DNAH14: variants seen among roughly 807,000 people sequenced by gnomAD.
The protein encoded by DNAH14 is dynein axonemal heavy chain 14, also known as axonemal beta dynein heavy chain 14.
Under a neutral mutation model 520.9 loss-of-function variants are expected in DNAH14, and 478 were observed. The observed-to-expected ratio is 0.92, with a 90% CI of 0.85 to 0.99. DNAH14 has a LOEUF of 0.99. Ranked by LOEUF, DNAH14 falls within the 50% of genes least tolerant of loss-of-function variation. The pLI is 0.00. For synonymous variants in DNAH14, 1,581 were observed against 1,757.2 expected (o/e 0.90, Z 2.51); for missense variants, 4,831 against 5,234.5 (o/e 0.92, Z 2.38).
chr1:224,963,359 A>C (rs2060961167), intron 4 of DNAH14, among the ~76,000 whole-genome samples: 1 of 152,076 alleles, frequency 6.6e-6, no homozygotes, highest in South Asian at 2.1e-4. Flanking sequence ...CCACATTTAT[A>C]AACATATTCT....
chr1:224,981,523 A>G (rs2062266846), intron 8 of DNAH14, among the ~76,000 whole-genome samples: 1 of 151,744 alleles, frequency 6.6e-6, no homozygotes. Flanking sequence ...GAAGGGTTGT[A>G]TTTTTCCAGG....
In DNAH14 at chr1:225,085,509, A is replaced by G. The variant is rs761134316; in HGVS notation, c.3328-35A>G. 8.5e-5 allele frequency: 128 copies of G among 1,500,848 alleles called. 1 individual carries two copies. In the African/African-American group the frequency reaches 1.2e-3, roughly 15 times the overall value. The allele number at this position is 1,500,848 out of a possible 1,614,324, so 93.0% of individuals were successfully genotyped here. A position where few individuals can be genotyped will look rare whatever the true frequency, so the allele number is the denominator to read the frequency against. The stretch of plus-strand genomic sequence containing the variant: ...TTGGACATATCAGGAATTATTTGCT[A>G]TACTGGATACTAAAGAATACTTTGT... On this transcript the variant is annotated intron_variant, in intron 20 of 85. Coordinates refer to ENST00000682510, the MANE Select transcript of DNAH14 (RefSeq NM_001367479.1).
At chr1:225,161,829 C>A (rs1040608059) in intron 35 of DNAH14, among the ~76,000 whole-genome samples, 1 of 152,114 alleles carries the variant, frequency 6.6e-6, no homozygotes, top group Non-Finnish European at 1.5e-5. Context: ...CTATTCAAAT[C>A]TTTTGTCCAC....
chr1:225,395,263 T>C (rs2095990681), intron 84 of DNAH14, among the ~76,000 whole-genome samples: 1 of 152,206 alleles, frequency 6.6e-6, no homozygotes, highest in South Asian at 2.1e-4. Flanking sequence ...TAATATTTTA[T>C]TCAAGATTTT....
chr1:225,110,135 T>C, intron 23 of DNAH14, among the ~76,000 whole-genome samples: 1 of 152,178 alleles, frequency 6.6e-6, no homozygotes, highest in South Asian at 2.1e-4. Flanking sequence ...GATATGGGCC[T>C]GTAGTTTTCT....
At chr1:225,174,207 C>CT (rs1449290573) in intron 36 of DNAH14, among the ~76,000 whole-genome samples, 1 of 152,022 alleles carries the variant, frequency 6.6e-6, no homozygotes, top group Non-Finnish European at 1.5e-5. Flanking sequence ...CACATGTATA[C>CT]TTTTTTAACT....
At chr1:225,047,441 T>C (rs1350479908) in intron 15 of DNAH14, among the ~76,000 whole-genome samples, 4 of 152,168 alleles carry the variant, frequency 2.6e-5, no homozygotes, top group South Asian at 2.1e-4. Context: ...TATGTTTCAA[T>C]ATATAATCCT....
At chr1:224,933,977 G>A (rs1052115069) in intron 1 of DNAH14, among the ~76,000 whole-genome samples, 5 of 151,916 alleles carry the variant, frequency 3.3e-5, no homozygotes, top group Non-Finnish European at 5.9e-5. Context: ...ATACACACAC[G>A]CAGACTCAAA....
At chr1:225,327,848 G>A (rs1025338529) in intron 64 of DNAH14, among the ~76,000 whole-genome samples, 1 of 151,896 alleles carries the variant, frequency 6.6e-6, no homozygotes, top group Admixed American at 6.6e-5. Flanking sequence ...GAGAGAGAGA[G>A]AGAAGAAAGA....
At chr1:225,291,486 G>A (rs527970789) in intron 55 of DNAH14, among the ~76,000 whole-genome samples, 1 of 152,090 alleles carries the variant, frequency 6.6e-6, no homozygotes, top group South Asian at 2.1e-4. Flanking sequence ...GTGCAATCAT[G>A]GCTCACTGAA....
chr1:225,247,599 G>A (rs575532733), intron 43 of DNAH14, among the ~76,000 whole-genome samples: 13 of 152,264 alleles, frequency 8.5e-5, no homozygotes, highest in African/African-American at 2.9e-4. Context: ...TATAATATCA[G>A]AGAATTTGCC....
In DNAH14 at chr1:225,335,308, C is replaced by CGT. The variant is rs796190462; in HGVS notation, c.10080+1807_10080+1808dup. On this transcript the variant is annotated intron_variant, in intron 66 of 85. Transcript: ENST00000682510. ...ATATGCACATATACACATGTGTACA[C>CGT]GTGTGTATATGCACATATACACGTG... Among the ~76,000 whole-genome samples, 178 of 83,686 alleles carry CGT rather than the reference C, an allele frequency of 2.1e-3. 15 individuals are homozygous for CGT. Among genetic ancestry groups the CGT allele is most frequent in the Non-Finnish European group, 3.0e-3 (121 of 40,846 alleles). The allele number at this position is 83,686 out of a possible 152,430, so 54.9% of individuals were successfully genotyped here.
chr1:225,326,238 A>T (rs1201898334), intron 64 of DNAH14, among the ~76,000 whole-genome samples: 3 of 152,240 alleles, frequency 2.0e-5, no homozygotes, highest in Admixed American at 1.3e-4. Flanking sequence ...TCTTAAGCTA[A>T]TAAGTGATGG....
intron 21 of DNAH14, among the ~76,000 whole-genome samples, chr1:225,094,656 CAAAAA>C (rs760828776): frequency 1.3e-5 from 1 of 77,822 alleles, no homozygotes; most frequent in East Asian, 3.2e-4. Context: ...TTCTGCACAG[CAAAAA>C]AAAAAAAAAA....
chr1:225,243,141 T>A (rs1249184120), intron 43 of DNAH14, among the ~76,000 whole-genome samples: 1 of 152,210 alleles, frequency 6.6e-6, no homozygotes, highest in Non-Finnish European at 1.5e-5. Context: ...TGCCTTAATT[T>A]ATTTGTTAGG....
In DNAH14 at chr1:225,051,437, ATTC is replaced by A; in HGVS notation, c.2080-8_2080-6del. The A allele has an allele frequency of 6.9e-7, 1 of 1,445,240 alleles. No homozygotes were observed. The highest frequency in any genetic ancestry group is 9.1e-7 in the Non-Finnish European group (1 of 1,096,454). 89.5% of individuals were successfully genotyped at this position (1,445,240 alleles called of 1,614,324 possible). A position where few individuals can be genotyped will look rare whatever the true frequency, so the allele number is the denominator to read the frequency against. On this transcript the variant is annotated splice_polypyrimidine_tract_variant and intron_variant, in intron 16 of 85. Coordinates refer to ENST00000682510, the MANE Select transcript of DNAH14 (RefSeq NM_001367479.1). ...TAAAAATTCTGACTAACATCTCAAC[ATTC>A]TTCTTTACAGATTGTGAATCTCCTG...
At chr1:225,220,087 G>A (rs1249948452) in intron 41 of DNAH14, among the ~76,000 whole-genome samples, 1 of 152,102 alleles carries the variant, frequency 6.6e-6, no homozygotes, top group Non-Finnish European at 1.5e-5. Flanking sequence ...TGCAGAAAAG[G>A]CCTTCGATAT....
chr1:224,940,123 A>G (rs565051043), intron 1 of DNAH14, among the ~76,000 whole-genome samples: 1 of 152,326 alleles, frequency 6.6e-6, no homozygotes, highest in South Asian at 2.1e-4. Flanking sequence ...CTTCACTTAC[A>G]TGTGTGGTGC....
intron 36 of DNAH14, among the ~76,000 whole-genome samples, chr1:225,181,654 C>T (rs1559207690): frequency 6.6e-6 from 1 of 152,056 alleles, no homozygotes; most frequent in Non-Finnish European, 1.5e-5. Context: ...TCTCCTTTGC[C>T]CACTTTTTAA....
Sources: gnomAD v4.1 joint callset for allele counts (sites outside exome capture counted in the v4.1 genomes callset) on GRCh38, gnomAD v4.1.1 for gene constraint, MANE v1.5 for transcripts, NCBI Gene and HGNC (gene_info 2026-07-23, HGNC 2026-07-21) for gene names.